KLF13: variants seen among roughly 807,000 people sequenced by gnomAD.
KLF13 encodes the protein Krueppel-like factor 13.
In KLF13, 8 loss-of-function variants were observed where a neutral mutation model predicts 16.7. The ratio of observed to expected loss-of-function variants is 0.48; its 90% CI spans 0.28 to 0.87. The LOEUF is 0.87. Ranked by LOEUF, KLF13 falls within the 40% of genes least tolerant of loss-of-function variation. The pLI, the probability that KLF13 is intolerant of heterozygous loss-of-function variation, is 0.10. For missense variants in KLF13, 447 were observed against 452.2 expected (o/e 0.99, Z 0.10); for synonymous variants, 245 against 208.4 (o/e 1.18, Z -1.51).
chr15:31,423,876 A>C (rs544343143), intron 1 of KLF13, among the ~76,000 whole-genome samples: 1 of 152,240 alleles, frequency 6.6e-6, no homozygotes, highest in East Asian at 1.9e-4. Context: ...GTAGATCACA[A>C]ATATGGGGAA....
At chr15:31,415,125 TCCG>T (rs2040240147) in intron 1 of KLF13, among the ~76,000 whole-genome samples, 2 of 152,180 alleles carry the variant, frequency 1.3e-5, no homozygotes, top group African/African-American at 4.8e-5. Flanking sequence ...TCTGTACACG[TCCG>T]CTCCCCTTTG....
upstream of KLF13, among the ~76,000 whole-genome samples, chr15:31,388,856 T>TC (rs1272577769): frequency 6.9e-6 from 1 of 144,560 alleles, no homozygotes; most frequent in Non-Finnish European, 1.5e-5. Flanking sequence ...GGATTAAACT[T>TC]TTTTTTTTTT....
At chr15:31,336,206 G>C (rs550181710) in intron 1 of KLF13, among the ~76,000 whole-genome samples, 1 of 152,348 alleles carries the variant, frequency 6.6e-6, no homozygotes, top group South Asian at 2.1e-4. Flanking sequence ...TAATGCTTGG[G>C]GGGGCCACCA....
chr15:31,428,820 A>AAAAAAAAGAAAAAG (rs61521558), intron 1 of KLF13, among the ~76,000 whole-genome samples: 1 of 72,650 alleles, frequency 1.4e-5, no homozygotes, highest in Non-Finnish European at 2.3e-5. Flanking sequence ...AAAAAAAAAA[A>AAAAAAAAGAAAAAG]AAAAAGAAAA....
intron 1 of KLF13, among the ~76,000 whole-genome samples, chr15:31,423,145 G>GTA (rs1301096145): frequency 5.7e-5 from 5 of 87,608 alleles, no homozygotes; most frequent in African/African-American, 2.0e-4. Context: ...ATACGTATAC[G>GTA]TATATATACG....
chr15:31,371,928 T>G (rs1275655750), intron 1 of KLF13, 82 bp from the exon 2 acceptor site: 1 of 1,435,908 alleles, frequency 7.0e-7, no homozygotes, highest in African/African-American at 1.4e-5. Context: ...ACCAGGGTGT[T>G]GGGTGTTGCG....
intron 1 of KLF13, chr15:31,393,350 C>G (rs975441607): frequency 6.6e-6 from 1 of 152,552 alleles, no homozygotes; most frequent in Admixed American, 6.5e-5. Context: ...GCACGCCTCT[C>G]CTCCACTGCT....
At chr15:31,357,252 A>G (rs553969248) in intron 1 of KLF13, among the ~76,000 whole-genome samples, 1 of 152,242 alleles carries the variant, frequency 6.6e-6, no homozygotes, top group East Asian at 1.9e-4. Flanking sequence ...CTATGCGGTG[A>G]GGATGTTAGT....
At chr15:31,425,313 C>T (rs1370625880) in intron 1 of KLF13, among the ~76,000 whole-genome samples, 1 of 152,008 alleles carries the variant, frequency 6.6e-6, no homozygotes. Context: ...CTAAAGAATC[C>T]TAAGGAATAG....
intron 1 of KLF13, among the ~76,000 whole-genome samples, chr15:31,367,105 TG>T (rs1196265398): frequency 6.6e-6 from 1 of 152,228 alleles, no homozygotes; most frequent in Non-Finnish European, 1.5e-5. Flanking sequence ...GAAAGTGGCC[TG>T]GGGCATGTTG....
intron 1 of KLF13, among the ~76,000 whole-genome samples, chr15:31,431,609 C>T (rs2040472325): frequency 6.6e-6 from 1 of 152,050 alleles, no homozygotes; most frequent in Admixed American, 6.6e-5. Flanking sequence ...GGACTACAGG[C>T]ACCCGTCATC....
intron 1 of KLF13, among the ~76,000 whole-genome samples, chr15:31,428,242 A>T (rs1350258487): frequency 2.6e-5 from 4 of 152,180 alleles, no homozygotes; most frequent in African/African-American, 9.7e-5. Context: ...TTCAGTGGGT[A>T]TAGAGCTGCA....
chr15:31,376,910 G>A lies in KLF13; in HGVS notation c.*4611G>A, dbSNP rs1222664460. ...AACTTTACTACTTTTATTTAAAAAT[G>A]AACTGGATGGGAGAGAAGTAGCGTC... On this transcript the variant is annotated 3_prime_UTR_variant, in exon 2 of 2. Coordinates refer to ENST00000307145, the MANE Select transcript of KLF13 (RefSeq NM_015995.4). The A allele has an allele frequency of 2.0e-5, 3 of 148,574 alleles. No individual in the cohort carries two copies. The highest frequency in any genetic ancestry group is 7.5e-5 in the African/African-American group (3 of 40,100). The allele number at this position is 148,574 out of a possible 1,614,324, so 9.2% of individuals were successfully genotyped here.
chr15:31,425,328 A>T (rs1285467846), intron 1 of KLF13, among the ~76,000 whole-genome samples: 1 of 152,242 alleles, frequency 6.6e-6, no homozygotes, highest in East Asian at 1.9e-4. Flanking sequence ...GAATAGCCCA[A>T]ATAATTCTGT....
At chr15:31,420,653 A>T (rs2040311049) in intron 1 of KLF13, 1 of 368,152 alleles carries the variant, frequency 2.7e-6, no homozygotes, top group Non-Finnish European at 5.1e-6. Context: ...ACCAGCCAGG[A>T]CCCCTGACCC....
At chr15:31,343,219 C>A (rs1040272748) in intron 1 of KLF13, among the ~76,000 whole-genome samples, 1 of 152,186 alleles carries the variant, frequency 6.6e-6, no homozygotes, top group Admixed American at 6.5e-5. Flanking sequence ...GCACAGGGCC[C>A]GCCGGCTCAG....
At chr15:31,368,877 G>T (rs1384244407) in intron 1 of KLF13, among the ~76,000 whole-genome samples, 1 of 151,908 alleles carries the variant, frequency 6.6e-6, no homozygotes, top group Non-Finnish European at 1.5e-5. Flanking sequence ...TAACACAGAG[G>T]AGCTTGCAAC....
chr15:31,360,399 T>C (rs2039364163), intron 1 of KLF13, among the ~76,000 whole-genome samples: 1 of 152,172 alleles, frequency 6.6e-6, no homozygotes, highest in Non-Finnish European at 1.5e-5. Context: ...GCACTTAGGC[T>C]GCGACAAGCC....
chr15:31,389,165 C>T (rs558172918), upstream of KLF13, among the ~76,000 whole-genome samples: 8 of 152,186 alleles, frequency 5.3e-5, no homozygotes, highest in East Asian at 9.6e-4. Flanking sequence ...TGAGAATGAA[C>T]GAACACCTTT....
Sources: gnomAD v4.1 joint callset for allele counts (sites outside exome capture counted in the v4.1 genomes callset) on GRCh38, gnomAD v4.1.1 for gene constraint, MANE v1.5 for transcripts, NCBI Gene and HGNC (gene_info 2026-07-23, HGNC 2026-07-21) for gene names.